Variants in SMYD3 observed in about 807,000 individuals in gnomAD.
SMYD3 encodes histone-lysine N-methyltransferase SMYD3.
A neutral mutation model predicts 57.7 loss-of-function variants in SMYD3; 36 were observed. The ratio of observed to expected loss-of-function variants is 0.62; its 90% CI spans 0.48 to 0.82. The LOEUF (loss-of-function observed/expected upper bound fraction) is 0.82. Ranked by LOEUF, SMYD3 falls within the 40% of genes least tolerant of loss-of-function variation. The pLI is 0.00. For missense variants in SMYD3, 515 were observed against 538.8 expected, an observed-to-expected ratio of 0.96 and a Z score of 0.44; for synonymous variants, 211 against 195.0, an observed-to-expected ratio of 1.08 and a Z score of -0.68.
chr1:246,236,604 C>G (rs1337660226), intron 5 of SMYD3, among the ~76,000 whole-genome samples: 2 of 151,906 alleles, frequency 1.3e-5, no homozygotes, highest in African/African-American at 4.8e-5. Flanking sequence ...TTAGTAGAGA[C>G]AGGGTTTCAC....
At position 246,315,634 on chromosome 1, in the gene SMYD3, G is replaced by A. The variant is rs966855336; in HGVS notation, c.531+11567C>T. On this transcript the variant is annotated intron_variant, in intron 5 of 11. Transcript: ENST00000490107. ...GGACACGCTGATACGTTGTTGGAACGCTCTGGTTATAAAGCTCTTCTAGAT... is the reference window on the plus strand; with the variant it reads ...GGACACGCTGATACGTTGTTGGAACACTCTGGTTATAAAGCTCTTCTAGAT... Among the ~76,000 whole-genome samples the A allele has an allele frequency of 1.2e-4, 19 of 152,120 alleles. 1 individual carries two copies. Among genetic ancestry groups the A allele is most frequent in the East Asian group, 5.8e-4 (3 of 5,168 alleles).
intron 10 of SMYD3, among the ~76,000 whole-genome samples, chr1:245,836,432 C>T (rs577878855): frequency 3.3e-5 from 5 of 152,322 alleles, no homozygotes; most frequent in East Asian, 1.9e-4. Flanking sequence ...GAGCCGTCTT[C>T]GTGCAAGGCA....
intron 1 of SMYD3, among the ~76,000 whole-genome samples, chr1:246,421,924 C>G (rs188930680): frequency 1.5e-4 from 23 of 152,288 alleles, no homozygotes; most frequent in Non-Finnish European, 2.8e-4. Context: ...CCTTTTTGGT[C>G]TACTCATGCC....
chr1:246,040,911 T>C (rs565665619), intron 5 of SMYD3, among the ~76,000 whole-genome samples: 1 of 152,290 alleles, frequency 6.6e-6, no homozygotes, highest in Admixed American at 6.5e-5. Context: ...CTCTGATATA[T>C]ATAAATTCTC....
intron 5 of SMYD3, among the ~76,000 whole-genome samples, chr1:246,180,150 C>A (rs972024538): frequency 5.4e-5 from 8 of 147,678 alleles, no homozygotes; most frequent in Non-Finnish European, 8.9e-5. Context: ...TCTAATATAT[C>A]TAATATAGAT....
chr1:246,050,101 A>T (rs1558183128), intron 5 of SMYD3, among the ~76,000 whole-genome samples: 1 of 152,224 alleles, frequency 6.6e-6, no homozygotes, highest in Non-Finnish European at 1.5e-5. Flanking sequence ...CATAAACTAC[A>T]AGCTAGTGTT....
intron 5 of SMYD3, chr1:246,189,260 T>G (rs1280808564): frequency 2.6e-5 from 4 of 152,196 alleles, no homozygotes; most frequent in Admixed American, 2.6e-4. Flanking sequence ...GCACACTATT[T>G]CATCCAACTC....
chr1:246,421,126 T>G (rs542328767), intron 1 of SMYD3, among the ~76,000 whole-genome samples: 2 of 152,348 alleles, frequency 1.3e-5, no homozygotes, highest in East Asian at 3.9e-4. Context: ...AATTACTAAT[T>G]ACATTTAGCA....
At chr1:246,302,944 G>A (rs542692114) in intron 5 of SMYD3, among the ~76,000 whole-genome samples, 4 of 152,200 alleles carry the variant, frequency 2.6e-5, no homozygotes, top group Admixed American at 2.6e-4. Flanking sequence ...CCAAGTAAAG[G>A]TTTCCTAAAC....
intron 8 of SMYD3, among the ~76,000 whole-genome samples, chr1:245,902,220 G>C (rs1368777042): frequency 1.3e-5 from 2 of 152,126 alleles, no homozygotes; most frequent in African/African-American, 2.4e-5. Flanking sequence ...CTATACCCTG[G>C]GGACCAGCAG....
rs545201455 is a variant in SMYD3 at position 246,166,739 on chromosome 1, A to G, written c.531+160462T>C. ...TCCATAAAAGCTGCAACTGACTGTA[A>G]TACCTGAGAGCTAGGGGCCGCGGGA... On this transcript the variant is annotated intron_variant, in intron 5 of 11. Transcript: ENST00000490107. Among the ~76,000 whole-genome samples the G allele has an allele frequency of 3.3e-5, 5 of 152,208 alleles. No individual in the cohort carries two copies. The South Asian group carries it at 1.0e-3, about 32-fold the overall frequency.
At chr1:246,046,329 C>T (rs1194969629) in intron 5 of SMYD3, among the ~76,000 whole-genome samples, 3 of 152,044 alleles carry the variant, frequency 2.0e-5, no homozygotes, top group African/African-American at 4.8e-5. Context: ...TTTGTAGGGA[C>T]ATGGATGAAG....
intron 5 of SMYD3, among the ~76,000 whole-genome samples, chr1:246,030,006 CTTTTTTTTTTTTT>C (rs58066934): frequency 3.8e-4 from 52 of 135,134 alleles, no homozygotes; most frequent in African/African-American, 1.3e-3. Context: ...TTCTTTCTTT[CTTTTTTTTTTTTT>C]TTTTTACAAA....
chr1:246,434,185 A>T (rs145276322), intron 1 of SMYD3, among the ~76,000 whole-genome samples: 87 of 152,364 alleles, frequency 5.7e-4, no homozygotes, highest in African/African-American at 2.0e-3. Context: ...CCATTCTTCT[A>T]AAGGATTGGT....
intron 5 of SMYD3, among the ~76,000 whole-genome samples, chr1:246,127,387 A>G (rs1464214920): frequency 2.0e-5 from 3 of 152,182 alleles, no homozygotes; most frequent in Non-Finnish European, 4.4e-5. Flanking sequence ...AAATACTAGC[A>G]TTTTAGTGTG....
chr1:245,950,351 AAG>A lies in SMYD3; in HGVS notation c.532-20416_532-20415del, dbSNP rs2057584602. Among the ~76,000 whole-genome samples, 3 of 152,240 alleles carry A rather than the reference AAG, an allele frequency of 2.0e-5. No individual in the cohort carries two copies. The South Asian group carries it at 6.2e-4, about 32-fold the overall frequency. On this transcript the variant is annotated intron_variant, in intron 5 of 11. Transcript: ENST00000490107. ...GAGCCTAATCTTTCTCCCCCAGTGC[AAG>A]ACCTGGTTGCAGTGGTCCCTGTACC...
intron 2 of SMYD3, among the ~76,000 whole-genome samples, chr1:246,345,201 CTTTAAG>C (rs1241034690): frequency 6.6e-6 from 1 of 152,148 alleles, no homozygotes; most frequent in Non-Finnish European, 1.5e-5. Flanking sequence ...TAGTTTTAGC[CTTTAAG>C]TTTAAGCTTA....
At chr1:246,296,644 C>T (rs1347296702) in intron 5 of SMYD3, among the ~76,000 whole-genome samples, 1 of 152,060 alleles carries the variant, frequency 6.6e-6, no homozygotes, top group East Asian at 1.9e-4. Context: ...TTTCCTTCTA[C>T]TTTCTCTATA....
chr1:246,434,599 C>T (rs1045132827), intron 1 of SMYD3, among the ~76,000 whole-genome samples: 2 of 152,118 alleles, frequency 1.3e-5, no homozygotes, highest in African/African-American at 4.8e-5. Flanking sequence ...CAATGAGATA[C>T]CATCTCACAC....
Sources: allele counts gnomAD v4.1 joint callset (sites outside exome capture counted in the v4.1 genomes callset), GRCh38; gene constraint gnomAD v4.1.1; transcripts MANE v1.5; gene names NCBI Gene and HGNC (gene_info 2026-07-23, HGNC 2026-07-21).